Variants in ATP9B observed in about 807,000 individuals in gnomAD.
ATP9B encodes ATPase phospholipid transporting 9B, also known as probable phospholipid-transporting ATPase IIB.
Under a neutral mutation model 146.1 loss-of-function variants are expected in ATP9B, and 110 were observed. The ratio of observed to expected loss-of-function variants is 0.75; its 90% CI spans 0.65 to 0.88. The LOEUF is 0.88. Ranked by LOEUF, ATP9B falls within the 40% of genes least tolerant of loss-of-function variation. The pLI, the probability that ATP9B is intolerant of heterozygous loss-of-function variation, is 0.00. For synonymous variants in ATP9B, 604 were observed against 569.7 expected (o/e 1.06, Z -0.86); for missense variants, 1,499 against 1,496.4 (o/e 1.00, Z -0.03).
At chr18:79,125,602 A>G (rs976840359) in intron 4 of ATP9B, among the ~76,000 whole-genome samples, 1 of 152,212 alleles carries the variant, frequency 6.6e-6, no homozygotes, top group Admixed American at 6.5e-5. Flanking sequence ...TTCCTGTAAC[A>G]TGTCAGAAAA....
chr18:79,104,588 A>T (rs2146901842), intron 2 of ATP9B, among the ~76,000 whole-genome samples: 1 of 151,530 alleles, frequency 6.6e-6, no homozygotes, highest in South Asian at 2.1e-4. Flanking sequence ...AGTGAAATGT[A>T]ACAGCCAAAT....
intron 4 of ATP9B, among the ~76,000 whole-genome samples, chr18:79,114,197 T>C (rs1418634488): frequency 1.3e-5 from 2 of 152,262 alleles, no homozygotes; most frequent in African/African-American, 2.4e-5. Flanking sequence ...TCACCTCAAA[T>C]GATCCACCTG....
chr18:79,207,522 G>A (rs2095545840), intron 10 of ATP9B, among the ~76,000 whole-genome samples: 2 of 152,196 alleles, frequency 1.3e-5, no homozygotes, highest in African/African-American at 2.4e-5. Context: ...TGATGATGAT[G>A]TTTGGAAGGA....
chr18:79,133,744 G>A (rs2094412269), intron 5 of ATP9B, among the ~76,000 whole-genome samples: 1 of 152,184 alleles, frequency 6.6e-6, no homozygotes, highest in Admixed American at 6.5e-5. Context: ...TGAGATGTGT[G>A]TGCTACCTCT....
At chr18:79,301,801 T>C (rs2096592356) in intron 13 of ATP9B, among the ~76,000 whole-genome samples, 1 of 152,190 alleles carries the variant, frequency 6.6e-6, no homozygotes, top group African/African-American at 2.4e-5. Context: ...AGGTAGATAG[T>C]TAGCTGCTGT....
intron 25 of ATP9B, among the ~76,000 whole-genome samples, chr18:79,351,440 T>TG (rs1252683097): frequency 1.3e-5 from 2 of 152,182 alleles, no homozygotes; most frequent in African/African-American, 2.4e-5. Context: ...TTGGGTTAGG[T>TG]GGGAGCTTTG....
intron 1 of ATP9B, among the ~76,000 whole-genome samples, chr18:79,074,004 G>C (rs971026879): frequency 1.3e-5 from 2 of 152,046 alleles, no homozygotes; most frequent in Non-Finnish European, 2.9e-5. Flanking sequence ...GGAGAATTTG[G>C]GTTCTATTTA....
At chr18:79,341,495 GGA>G (rs2096858743) in intron 19 of ATP9B, among the ~76,000 whole-genome samples, 1 of 60,986 alleles carries the variant, frequency 1.6e-5, no homozygotes, top group Non-Finnish European at 3.2e-5. Context: ...AGTTGTGGTT[GGA>G]TGTGTGTAGC....
intron 2 of ATP9B, among the ~76,000 whole-genome samples, chr18:79,106,917 G>A (rs949322822): frequency 6.6e-6 from 1 of 152,122 alleles, no homozygotes; most frequent in Non-Finnish European, 1.5e-5. Context: ...TTATAGTGTC[G>A]TTTGTCTGGA....
At chr18:79,365,311 G>T (rs1010134656) in intron 26 of ATP9B, among the ~76,000 whole-genome samples, 1 of 152,116 alleles carries the variant, frequency 6.6e-6, no homozygotes, top group Admixed American at 6.6e-5. Context: ...GTGAGATGCC[G>T]TGTACCCACC....
chr18:79,290,743 A>G (rs910030234), intron 13 of ATP9B, among the ~76,000 whole-genome samples: 3 of 152,188 alleles, frequency 2.0e-5, no homozygotes, highest in African/African-American at 4.8e-5. Context: ...AGCTGTTCCT[A>G]TTCGGCTGTC....
intron 15 of ATP9B, among the ~76,000 whole-genome samples, chr18:79,311,170 G>A (rs537757695): frequency 6.6e-6 from 1 of 152,150 alleles, no homozygotes; most frequent in African/African-American, 2.4e-5. Context: ...GAAAAGAAAT[G>A]CTGGGCTGGG....
At chr18:79,356,138 G>A (rs573327444) in intron 25 of ATP9B, among the ~76,000 whole-genome samples, 2 of 152,328 alleles carry the variant, frequency 1.3e-5, no homozygotes, top group African/African-American at 4.8e-5. Flanking sequence ...AAGCAAGCCG[G>A]TGAAATGATG....
intron 4 of ATP9B, chr18:79,117,531 A>G (rs1038656031): frequency 1.3e-5 from 2 of 152,180 alleles, no homozygotes; most frequent in African/African-American, 4.8e-5. Context: ...AAGGTCTTGG[A>G]CTGTTTTAGC....
In ATP9B at chr18:79,330,096, G is replaced by A. The variant is rs769588347; in HGVS notation, c.2020G>A (p.Glu674Lys). Residue 674 changes from glutamate to lysine, a missense_variant, in exon 17 of 30, where the codon GAA (glutamate) becomes AAA (lysine). Glu to Lys is a moderately conservative substitution (Grantham distance 56, BLOSUM62 1). Coordinates refer to ENST00000426216, the MANE Select transcript of ATP9B (RefSeq NM_198531.5). Reference sequence around the variant, plus strand: ...TATCGTGCAGTATAATGACTGGCTGGAAGAGGAGGTATGTGAGTGACTCTA... The same window carrying A: ...TATCGTGCAGTATAATGACTGGCTGAAAGAGGAGGTATGTGAGTGACTCTA... Reference protein sequence around the residue: ...SPIVQYNDWLEEECGNMAREG... With the variant: ...SPIVQYNDWLKEECGNMAREG... 10 of 1,613,844 alleles carry A rather than the reference G, an allele frequency of 6.2e-6. No individual in the cohort carries two copies. Among genetic ancestry groups the A allele is most frequent in the Non-Finnish European group, 8.5e-6 (10 of 1,179,826 alleles).
intron 10 of ATP9B, among the ~76,000 whole-genome samples, chr18:79,208,322 A>G: frequency 6.6e-6 from 1 of 152,228 alleles, no homozygotes; most frequent in Non-Finnish European, 1.5e-5. Context: ...ACTTGGATTT[A>G]AAGAATATGC....
chr18:79,310,230 G>T (rs1043609708), intron 15 of ATP9B, among the ~76,000 whole-genome samples: 2 of 152,234 alleles, frequency 1.3e-5, no homozygotes, highest in African/African-American at 4.8e-5. Context: ...TGAGGAGGCG[G>T]AGCTGGCGTG....
chr18:79,225,334 T>A (rs1232718753), intron 11 of ATP9B, among the ~76,000 whole-genome samples: 3 of 152,272 alleles, frequency 2.0e-5, no homozygotes, highest in Non-Finnish European at 4.4e-5. Context: ...TCATTTCCTT[T>A]ATGCAGTTAG....
chr18:79,165,266 G>A (rs938943801), intron 7 of ATP9B, among the ~76,000 whole-genome samples: 1 of 152,212 alleles, frequency 6.6e-6, no homozygotes, highest in Non-Finnish European at 1.5e-5. Flanking sequence ...ACTCTGTTAT[G>A]CCAGTTTGGG....
Sources: allele counts gnomAD v4.1 joint callset (sites outside exome capture counted in the v4.1 genomes callset), GRCh38; gene constraint gnomAD v4.1.1; transcripts MANE v1.5; gene names NCBI Gene and HGNC (gene_info 2026-07-23, HGNC 2026-07-21).